FHOD3: variants seen among roughly 807,000 people sequenced by gnomAD.
The protein encoded by FHOD3 is formin homology 2 domain containing 3, also known as FH1/FH2 domain-containing protein 3.
FHOD3 carries 90 observed loss-of-function variants against 173.0 expected under a neutral mutation model. The ratio of observed to expected loss-of-function variants is 0.52; its 90% CI spans 0.44 to 0.62. The LOEUF (loss-of-function observed/expected upper bound fraction) is 0.62, where lower values mean the gene tolerates loss of function less well. FHOD3 is among the 20% of genes least tolerant of loss of function. The pLI is 0.00. For missense variants in FHOD3, 1,945 were observed against 2,034.7 expected, an observed-to-expected ratio of 0.96 and a Z score of 0.85; for synonymous variants, 828 against 823.0, an observed-to-expected ratio of 1.01 and a Z score of -0.10.
chr18:36,406,655 G>A (rs2049089392), intron 3 of FHOD3, among the ~76,000 whole-genome samples: 1 of 152,162 alleles, frequency 6.6e-6, no homozygotes, highest in South Asian at 2.1e-4. Context: ...GCTGCCCTTG[G>A]GGACTGGGAG....
chr18:36,762,990 TGC>T (rs2042954433), intron 27 of FHOD3, among the ~76,000 whole-genome samples: 1 of 148,306 alleles, frequency 6.7e-6, no homozygotes, highest in Non-Finnish European at 1.5e-5. Flanking sequence ...ACGTTATATA[TGC>T]GTATTATATA....
chr18:36,388,770 C>T (rs2048152588), intron 3 of FHOD3, among the ~76,000 whole-genome samples: 1 of 152,214 alleles, frequency 6.6e-6, no homozygotes. Flanking sequence ...CAGACCACCA[C>T]CACCAACAAT....
rs369745392 is a variant in FHOD3 at position 36,519,363 on chromosome 18, G to A, written c.511+6820G>A. ...CACTGTTCCTCCTGGGTTAGCTGCC[G>A]TCTCTCTGGTGTTTCTGGATGGATC... On this transcript the variant is annotated intron_variant, in intron 5 of 28. Coordinates refer to ENST00000590592, the MANE Select transcript of FHOD3 (RefSeq NM_001281740.3). Among the ~76,000 whole-genome samples, 19 of 152,286 alleles carry A rather than the reference G, an allele frequency of 1.2e-4. No homozygotes were observed. The East Asian group carries it at 1.7e-3, about 14-fold the overall frequency.
chr18:36,608,466 T>G (rs957431358), intron 8 of FHOD3, among the ~76,000 whole-genome samples: 5 of 152,236 alleles, frequency 3.3e-5, no homozygotes, highest in African/African-American at 7.2e-5. Context: ...CTTCCGACAC[T>G]GCTGCATTGG....
At position 36,460,226 on chromosome 18, in the gene FHOD3, A is replaced by G. The variant is rs112193166; in HGVS notation, c.338-41706A>G. Among the ~76,000 whole-genome samples the G allele has an allele frequency of 2.0e-3, 304 of 152,256 alleles. 3 individuals carry two copies. The highest frequency in any genetic ancestry group is 6.9e-3 in the African/African-American group (286 of 41,544). On this transcript the variant is annotated intron_variant, in intron 3 of 28. Coordinates refer to ENST00000590592, the MANE Select transcript of FHOD3 (RefSeq NM_001281740.3). Reference sequence around the variant, plus strand: ...CTGCTACTCTTTCTCTCCCCTTTCTATGCTGCACTTGTTGGAAGGAAGTCA... The same window carrying G: ...CTGCTACTCTTTCTCTCCCCTTTCTGTGCTGCACTTGTTGGAAGGAAGTCA...
At chr18:36,532,905 C>G (rs1265602984) in intron 5 of FHOD3, among the ~76,000 whole-genome samples, 1 of 152,188 alleles carries the variant, frequency 6.6e-6, no homozygotes, top group Non-Finnish European at 1.5e-5. Context: ...CATTCAAGGC[C>G]CTTCCTAACG....
intron 17 of FHOD3, among the ~76,000 whole-genome samples, chr18:36,707,202 A>G (rs367786134): frequency 1.1e-3 from 174 of 152,246 alleles, no homozygotes; most frequent in Non-Finnish European, 2.0e-3. Flanking sequence ...TCTGGAAACT[A>G]TGCCCTCAGA....
At chr18:36,743,942 T>C in intron 22 of FHOD3, 90 bp from the exon 23 acceptor site, 1 of 1,411,952 alleles carries the variant, frequency 7.1e-7, no homozygotes, top group South Asian at 1.2e-5. Flanking sequence ...GAATGTTGGG[T>C]GACTGCAGCC....
At chr18:36,548,702 T>C (rs909903283) in intron 5 of FHOD3, among the ~76,000 whole-genome samples, 1 of 152,230 alleles carries the variant, frequency 6.6e-6, no homozygotes, top group Non-Finnish European at 1.5e-5. Flanking sequence ...TGTCCTTTTA[T>C]TGTCTGGCTT....
At chr18:36,621,128 T>C (rs1315967465) in intron 9 of FHOD3, among the ~76,000 whole-genome samples, 2 of 152,222 alleles carry the variant, frequency 1.3e-5, no homozygotes, top group Admixed American at 6.5e-5. Flanking sequence ...TTTTTTCACA[T>C]ACATAAATTG....
intron 24 of FHOD3, among the ~76,000 whole-genome samples, chr18:36,752,952 C>G (rs1228513503): frequency 6.6e-6 from 1 of 151,986 alleles, no homozygotes; most frequent in African/African-American, 2.4e-5. Context: ...AATATCATAT[C>G]ATATATCTAA....
chr18:36,320,761 C>T (rs1419229369), intron 1 of FHOD3, among the ~76,000 whole-genome samples: 3 of 152,200 alleles, frequency 2.0e-5, no homozygotes, highest in Admixed American at 2.0e-4. Flanking sequence ...TGCATTGCAC[C>T]TGAACCTGAG....
chr18:36,518,343 A>G (rs17565981), intron 5 of FHOD3, among the ~76,000 whole-genome samples: 64,020 of 152,002 alleles, frequency 0.42, 14,143 homozygotes, highest in Non-Finnish European at 0.49. Context: ...CTCTTGCCAG[A>G]AGGGTTTTCT....
intron 5 of FHOD3, among the ~76,000 whole-genome samples, chr18:36,522,318 C>T (rs969863770): frequency 4.6e-5 from 7 of 152,114 alleles, no homozygotes; most frequent in Admixed American, 1.3e-4. Flanking sequence ...ATTGGAGAGC[C>T]GGAATTTGCT....
intron 3 of FHOD3, among the ~76,000 whole-genome samples, chr18:36,449,722 T>C (rs1268199387): frequency 6.6e-6 from 1 of 152,212 alleles, no homozygotes; most frequent in African/African-American, 2.4e-5. Context: ...TGTTCTGATA[T>C]ACATAATAAT....
chr18:36,438,879 GGGTGAGGCCTA>G (rs1465263443), intron 3 of FHOD3, among the ~76,000 whole-genome samples: 1 of 152,226 alleles, frequency 6.6e-6, no homozygotes, highest in East Asian at 1.9e-4. Flanking sequence ...TGTGGCCTCA[GGGTGAGGCCTA>G]GACACTTTGC....
At chr18:36,641,305 A>G (rs918313690) in intron 10 of FHOD3, among the ~76,000 whole-genome samples, 1 of 152,190 alleles carries the variant, frequency 6.6e-6, no homozygotes, top group Admixed American at 6.5e-5. Context: ...AGACTGTGTA[A>G]GGCTAGGGTG....
chr18:36,657,979 C>G, intron 13 of FHOD3, 96 bp from the exon 14 acceptor site: 2 of 897,534 alleles, frequency 2.2e-6, no homozygotes, highest in East Asian at 5.4e-5. Context: ...ACCTGTTTCT[C>G]TTGCAAAAAT....
intron 1 of FHOD3, among the ~76,000 whole-genome samples, chr18:36,316,272 A>C (rs192020798): frequency 9.8e-5 from 15 of 152,286 alleles, no homozygotes; most frequent in Admixed American, 1.3e-4. Flanking sequence ...AAGCAGGGGA[A>C]ATCTGTGAGG....
Sources: allele counts gnomAD v4.1 joint callset (sites outside exome capture counted in the v4.1 genomes callset), GRCh38; gene constraint gnomAD v4.1.1; transcripts MANE v1.5; gene names NCBI Gene and HGNC (gene_info 2026-07-23, HGNC 2026-07-21).